CAMK4: variants seen among roughly 807,000 people sequenced by gnomAD.
CAMK4 encodes the protein calcium/calmodulin dependent protein kinase IV.
CAMK4 carries 22 observed loss-of-function variants against 44.9 expected under a neutral mutation model. The observed-to-expected ratio is 0.49, with a 90% CI of 0.35 to 0.70. The LOEUF (loss-of-function observed/expected upper bound fraction) is 0.70. CAMK4 is among the 30% of genes least tolerant of loss of function. The probability of loss-of-function intolerance (pLI) is 0.01; values close to 1 mark genes in which losing one functional copy is unlikely to be tolerated. For synonymous variants in CAMK4, 218 were observed against 215.4 expected (o/e 1.01, Z -0.11); for missense variants, 498 against 586.8 (o/e 0.85, Z 1.56).
chr5:111,336,707 C>T (rs940223735), intron 1 of CAMK4, among the ~76,000 whole-genome samples: 1 of 150,912 alleles, frequency 6.6e-6, no homozygotes, highest in Admixed American at 6.6e-5. Flanking sequence ...AAATGGATGC[C>T]ATTTAATATT....
chr5:111,476,599 C>A (rs552026898), intron 8 of CAMK4, among the ~76,000 whole-genome samples: 2 of 152,160 alleles, frequency 1.3e-5, no homozygotes, highest in East Asian at 3.9e-4. Flanking sequence ...CTTAAGAGTT[C>A]TAGCTTGTCA....
rs886907099 is a variant in CAMK4 at position 111,473,552 on chromosome 5, G to T, written c.701+166G>T. Among the ~76,000 whole-genome samples the T allele has an allele frequency of 2.0e-5, 3 of 152,054 alleles. No individual in the cohort carries two copies. In the East Asian group the frequency reaches 5.8e-4, roughly 29 times the overall value. ...ATAGAATTTCCTGAAAATGAACATT[G>T]CTTTTTATTTTGGAATTTTCTTGAG... On this transcript the variant is annotated intron_variant, in intron 8 of 10. Transcript: ENST00000282356.
intron 1 of CAMK4, chr5:111,282,780 A>G (rs184142616): frequency 6.6e-6 from 1 of 152,350 alleles, no homozygotes; most frequent in East Asian, 1.9e-4. Flanking sequence ...TTTTGTCCCA[A>G]TAAACCCATC....
intron 5 of CAMK4, among the ~76,000 whole-genome samples, chr5:111,424,777 G>A (rs1753164090): frequency 1.3e-5 from 2 of 151,930 alleles, no homozygotes; most frequent in African/African-American, 4.8e-5. Flanking sequence ...TTCAGGAGTA[G>A]GTGGGAATAG....
At chr5:111,371,775 G>A (rs1751014035) in intron 2 of CAMK4, among the ~76,000 whole-genome samples, 1 of 152,162 alleles carries the variant, frequency 6.6e-6, no homozygotes, top group South Asian at 2.1e-4. Flanking sequence ...GCACATAGAT[G>A]TCAGTAAATT....
chr5:111,419,518 C>T (rs529448119), intron 5 of CAMK4, among the ~76,000 whole-genome samples: 25 of 152,250 alleles, frequency 1.6e-4, no homozygotes, highest in East Asian at 1.2e-3. Flanking sequence ...AGTCCTTGCC[C>T]GTGCCTATGT....
intron 2 of CAMK4, among the ~76,000 whole-genome samples, chr5:111,370,728 A>G (rs895184223): frequency 2.6e-5 from 4 of 152,150 alleles, no homozygotes; most frequent in Admixed American, 6.6e-5. Flanking sequence ...CATCCTGGCC[A>G]ACATGATGAA....
intron 1 of CAMK4, among the ~76,000 whole-genome samples, chr5:111,287,432 A>T (rs1751283187): frequency 1.3e-5 from 2 of 152,224 alleles, no homozygotes; most frequent in Admixed American, 1.3e-4. Context: ...TGCAACTCTC[A>T]TAGTTTATAT....
intron 1 of CAMK4, among the ~76,000 whole-genome samples, chr5:111,244,212 A>G (rs1489150991): frequency 2.0e-5 from 3 of 152,234 alleles, no homozygotes; most frequent in Non-Finnish European, 4.4e-5. Context: ...CCAAGAAACT[A>G]TTACAGATTT....
chr5:111,328,310 CA>C (rs1174561942), intron 1 of CAMK4, among the ~76,000 whole-genome samples: 3 of 151,670 alleles, frequency 2.0e-5, no homozygotes, highest in African/African-American at 7.3e-5. Context: ...TGTCAAAGAT[CA>C]GATAGTTGTA....
At chr5:111,407,265 C>T (rs920273534) in intron 5 of CAMK4, among the ~76,000 whole-genome samples, 5 of 151,532 alleles carry the variant, frequency 3.3e-5, no homozygotes, top group East Asian at 1.9e-4. Context: ...GCAAGAGAAT[C>T]GCTTGAACCT....
At chr5:111,292,655 C>G (rs1156829006) in intron 1 of CAMK4, among the ~76,000 whole-genome samples, 2 of 152,060 alleles carry the variant, frequency 1.3e-5, no homozygotes, top group African/African-American at 4.8e-5. Flanking sequence ...AGCATGCTGG[C>G]TCACACCTGT....
chr5:111,355,017 A>C (rs1332974995), intron 2 of CAMK4, among the ~76,000 whole-genome samples: 2 of 152,128 alleles, frequency 1.3e-5, no homozygotes, highest in Non-Finnish European at 2.9e-5. Context: ...GTATGCTGCT[A>C]TTGGCCACTT....
intron 5 of CAMK4, among the ~76,000 whole-genome samples, chr5:111,420,802 G>GT (rs1752999126): frequency 6.6e-6 from 1 of 152,224 alleles, no homozygotes; most frequent in Admixed American, 6.5e-5. Flanking sequence ...GGCGGTCAGA[G>GT]TTTAAGGTTA....
At chr5:111,408,656 A>G (rs1219895208) in intron 5 of CAMK4, among the ~76,000 whole-genome samples, 1 of 152,196 alleles carries the variant, frequency 6.6e-6, no homozygotes, top group African/African-American at 2.4e-5. Context: ...TTTCAGCATT[A>G]ACTCAGAAGT....
rs1428805020 is a variant in CAMK4, at chr5:111,355,650, C to A, written c.240+11548C>A. 5.7e-5 allele frequency among the ~76,000 whole-genome samples: 7 copies of A among 123,650 alleles called. 1 individual carries two copies. Among genetic ancestry groups the A allele is most frequent in the Middle Eastern group, 8.6e-3 (2 of 232 alleles). The allele number at this position is 123,650 out of a possible 152,430, so 81.1% of individuals were successfully genotyped here. ...TATATCTCCTAATGCTATCCCTCCC[C>A]CCTCCCCACACCCCACAACAGTCCC... On this transcript the variant is annotated intron_variant, in intron 2 of 10. Coordinates refer to ENST00000282356, the MANE Select transcript of CAMK4 (RefSeq NM_001744.6).
At chr5:111,404,971 C>G (rs1243301642) in intron 5 of CAMK4, among the ~76,000 whole-genome samples, 1 of 152,078 alleles carries the variant, frequency 6.6e-6, no homozygotes, top group African/African-American at 2.4e-5. Flanking sequence ...TTATTCTAGA[C>G]TTTGTTCTAG....
intron 9 of CAMK4, among the ~76,000 whole-genome samples, chr5:111,480,617 G>T (rs80118116): frequency 0.017 from 2,526 of 152,026 alleles, 72 homozygotes; most frequent in African/African-American, 0.058. Context: ...TGACACACCT[G>T]GATTTAAGTG....
intron 5 of CAMK4, among the ~76,000 whole-genome samples, chr5:111,417,967 G>A (rs1178758620): frequency 6.6e-6 from 1 of 151,604 alleles, no homozygotes; most frequent in Middle Eastern, 3.2e-3. Flanking sequence ...CATCCATGCA[G>A]TTTTGTGATA....
Sources: gnomAD v4.1 joint callset for allele counts (sites outside exome capture counted in the v4.1 genomes callset) on GRCh38, gnomAD v4.1.1 for gene constraint, MANE v1.5 for transcripts, NCBI Gene and HGNC (gene_info 2026-07-23, HGNC 2026-07-21) for gene names.